Variants in DKK2 observed in about 807,000 individuals in gnomAD.
DKK2 encodes dickkopf Wnt signaling pathway inhibitor 2, also known as dickkopf-related protein 2.
In DKK2, 11 loss-of-function variants were observed where a neutral mutation model predicts 28.1. That is an observed-to-expected ratio of 0.39 (90% CI 0.25 to 0.65). DKK2 has a LOEUF of 0.65. Among genes scored for constraint, DKK2 ranks in the 30% least tolerant of loss-of-function variants. The probability of loss-of-function intolerance (pLI) is 0.47; values close to 1 mark genes in which losing one functional copy is unlikely to be tolerated. For missense variants in DKK2, 326 were observed against 335.5 expected, an observed-to-expected ratio of 0.97 and a Z score of 0.22; for synonymous variants, 135 against 126.5, an observed-to-expected ratio of 1.07 and a Z score of -0.45.
rs183770180 is a variant in DKK2, at chr4:106,969,699, T to C, written c.223-43750A>G. ...AGAAATATGCTACTGCTTTCTAAAC[T>C]GAAGAGAGCAGGGACCAAAAAACTC... is the stretch of plus-strand genomic sequence containing the variant. On this transcript the variant is annotated intron_variant, in intron 1 of 3. Transcript: ENST00000285311. 2.6e-5 allele frequency among the ~76,000 whole-genome samples: 4 copies of C among 152,092 alleles called. No individual in the cohort carries two copies. In the East Asian group the frequency reaches 7.7e-4, roughly 29 times the overall value.
chr4:106,924,612 A>G lies in DKK2; in HGVS notation c.462T>C (p.His154=), dbSNP rs1243645631. The change falls in exon 3 of 4, where the codon CAT becomes CAC. Residue 154 remains histidine (H), a synonymous_variant. Coordinates refer to ENST00000285311, the MANE Select transcript of DKK2 (RefSeq NM_014421.3). The part of the protein sequence containing the change: ...GTRHRDRNHG[H]YSNHDLGWQN... ...GCCATCCCAAGTCATGGTTTGAGTA[A>G]TGACCGTGGTTTCGATCTCTGTGCC... 6.2e-7 allele frequency: 1 copy of G among 1,613,918 alleles called. No homozygotes were observed. The highest frequency in any genetic ancestry group is 8.5e-7 in the Non-Finnish European group (1 of 1,179,890).
At chr4:107,022,615 T>A (rs188263721) in intron 1 of DKK2, among the ~76,000 whole-genome samples, 74 of 152,196 alleles carry the variant, frequency 4.9e-4, no homozygotes, top group Non-Finnish European at 1.8e-4. Context: ...GTTCTAGAAA[T>A]GGACATAGAT....
In DKK2 at chr4:106,938,461, A is replaced by T. The variant is rs543297010; in HGVS notation, c.223-12512T>A. Among the ~76,000 whole-genome samples the T allele has an allele frequency of 2.0e-5, 3 of 152,344 alleles. 1 individual carries two copies. Among genetic ancestry groups the T allele is most frequent in the South Asian group, 4.1e-4 (2 of 4,832 alleles). On this transcript the variant is annotated intron_variant, in intron 1 of 3. Transcript: ENST00000285311. Reference sequence around the variant, plus strand: ...GAATAGACCAATAACAGGATCTGAAATTGTGGCAATAATCAATAGCTTACC... The same window carrying T: ...GAATAGACCAATAACAGGATCTGAATTTGTGGCAATAATCAATAGCTTACC...
At chr4:107,008,398 C>T (rs755917510) in intron 1 of DKK2, among the ~76,000 whole-genome samples, 40 of 151,868 alleles carry the variant, frequency 2.6e-4, no homozygotes, top group Admixed American at 1.1e-3. Context: ...AAATATGATG[C>T]GCTATTGGAA....
intron 1 of DKK2, among the ~76,000 whole-genome samples, chr4:107,022,581 C>T (rs1182572788): frequency 1.3e-5 from 2 of 151,964 alleles, no homozygotes; most frequent in African/African-American, 4.8e-5. Flanking sequence ...CATTGTGTGC[C>T]ATGATGAGGA....
rs1723956224 is a variant in DKK2 at position 107,035,780 on chromosome 4, C to A, written c.-189G>T. The A allele has an allele frequency of 1.6e-6, 1 of 611,438 alleles. No individual in the cohort carries two copies. The highest frequency in any genetic ancestry group is 2.9e-6 in the Non-Finnish European group (1 of 348,554). The allele number at this position is 611,438 out of a possible 1,614,324, so 37.9% of individuals were successfully genotyped here. On this transcript the variant is annotated 5_prime_UTR_variant, in exon 1 of 4. Transcript: ENST00000285311. ...TCTCACGCCTCAGGACAGAAATTAG[C>A]GGAACCCAAGCGAGACCCGCTTCTC... is the stretch of plus-strand genomic sequence containing the variant.
Position 106,996,901 on chromosome 4 carries a change from C to T in DKK2, c.222+38469G>A, listed in dbSNP as rs76421651. On this transcript the variant is annotated intron_variant, in intron 1 of 3. Transcript: ENST00000285311. ...GCAGAAACTTAGAAAATTTCATCAA[C>T]AAGCCTCAGTGACATGTGATTTACC... 4.8e-3 allele frequency among the ~76,000 whole-genome samples: 735 copies of T among 152,216 alleles called. 6 individuals carry two copies. The highest frequency in any genetic ancestry group is 0.017 in the African/African-American group (709 of 41,544).
chr4:106,948,874 T>C (rs1054326982), intron 1 of DKK2, among the ~76,000 whole-genome samples: 2 of 152,190 alleles, frequency 1.3e-5, no homozygotes, highest in Non-Finnish European at 2.9e-5. Flanking sequence ...GCTTTATACA[T>C]GTTAATCACT....
At chr4:106,950,510 GT>G (rs1468611436) in intron 1 of DKK2, among the ~76,000 whole-genome samples, 11 of 138,332 alleles carry the variant, frequency 8.0e-5, no homozygotes, top group African/African-American at 3.1e-4. Flanking sequence ...CTATCTACTG[GT>G]TTTGCATCTC....
At chr4:106,998,067 T>C (rs1212025568) in intron 1 of DKK2, among the ~76,000 whole-genome samples, 3 of 152,158 alleles carry the variant, frequency 2.0e-5, no homozygotes, top group Non-Finnish European at 2.9e-5. Context: ...ATTGGGTATA[T>C]GAAACACCCT....
At chr4:106,958,601 C>T (rs1039312397) in intron 1 of DKK2, among the ~76,000 whole-genome samples, 2 of 151,672 alleles carry the variant, frequency 1.3e-5, no homozygotes, top group African/African-American at 4.8e-5. Flanking sequence ...TTTGAGAGGC[C>T]GTGATGGGTG....
Position 106,926,228 on chromosome 4 carries a change from A to T in DKK2, c.223-279T>A, listed in dbSNP as rs112897637. ...TTAGAATTTAGACTTTTATTGATTC[A>T]TAGGACCCTTATGTGTGACTTTGGG... is the stretch of plus-strand genomic sequence containing the variant. On this transcript the variant is annotated intron_variant, in intron 1 of 3. Coordinates refer to ENST00000285311, the MANE Select transcript of DKK2 (RefSeq NM_014421.3). Among the ~76,000 whole-genome samples the T allele has an allele frequency of 4.3e-3, 657 of 152,306 alleles. 4 individuals are homozygous for T. Among genetic ancestry groups the T allele is most frequent in the African/African-American group, 0.015 (634 of 41,578 alleles).
intron 1 of DKK2, among the ~76,000 whole-genome samples, chr4:107,034,479 T>C (rs956257065): frequency 1.3e-5 from 2 of 152,150 alleles, no homozygotes; most frequent in African/African-American, 4.8e-5. Flanking sequence ...TGCGCGCTCG[T>C]CTCTGTGCGT....
chr4:106,980,527 ACTCAT>A (rs537390433), intron 1 of DKK2, among the ~76,000 whole-genome samples: 155 of 152,196 alleles, frequency 1.0e-3, no homozygotes, highest in African/African-American at 3.5e-3. Flanking sequence ...ATGTTAGATA[ACTCAT>A]CCCAAAAGTA....
At position 106,923,644 on chromosome 4, in the gene DKK2, G is replaced by A; in HGVS notation, c.*310C>T. ...CTCCTCCAGCACAACCTAAACTCTT[G>A]GAAAGTCACATGCTACTCATCAGTA... On this transcript the variant is annotated 3_prime_UTR_variant, in exon 4 of 4. Coordinates refer to ENST00000285311, the MANE Select transcript of DKK2 (RefSeq NM_014421.3). 1 of 280,534 alleles carries A rather than the reference G, an allele frequency of 3.6e-6. No homozygotes were observed. Among genetic ancestry groups the A allele is most frequent in the East Asian group, 8.1e-5 (1 of 12,332 alleles). The allele number at this position is 280,534 out of a possible 1,614,324, so 17.4% of individuals were successfully genotyped here. A position where few individuals can be genotyped will look rare whatever the true frequency, so the allele number is the denominator to read the frequency against.
intron 1 of DKK2, among the ~76,000 whole-genome samples, chr4:106,933,948 A>G (rs191842153): frequency 1.3e-5 from 2 of 151,398 alleles, no homozygotes; most frequent in Non-Finnish European, 2.9e-5. Flanking sequence ...TGAGGACGTA[A>G]GTTTCCTGTA....
chr4:107,033,352 G>A (rs544936888), intron 1 of DKK2, among the ~76,000 whole-genome samples: 1 of 152,180 alleles, frequency 6.6e-6, no homozygotes, highest in East Asian at 1.9e-4. Context: ...AATTTAAGGC[G>A]ATGTAAGTAG....
At chr4:106,929,069 T>A (rs922789367) in intron 1 of DKK2, among the ~76,000 whole-genome samples, 10 of 152,190 alleles carry the variant, frequency 6.6e-5, no homozygotes, top group Non-Finnish European at 1.5e-4. Context: ...TATTTTCCAT[T>A]TACTTTGACC....
At chr4:106,938,663 T>G (rs570377922) in intron 1 of DKK2, among the ~76,000 whole-genome samples, 5 of 152,188 alleles carry the variant, frequency 3.3e-5, no homozygotes, top group South Asian at 4.2e-4. Context: ...AACAAAAAAA[T>G]AGAATTTTAG....
Sources: allele counts gnomAD v4.1 joint callset (sites outside exome capture counted in the v4.1 genomes callset), GRCh38; gene constraint gnomAD v4.1.1; transcripts MANE v1.5; gene names NCBI Gene and HGNC (gene_info 2026-07-23, HGNC 2026-07-21).